NKTR: variants seen among roughly 807,000 people sequenced by gnomAD.
NKTR encodes the protein natural killer cell triggering receptor.
NKTR carries 67 observed loss-of-function variants against 156.3 expected under a neutral mutation model. The ratio of observed to expected loss-of-function variants is 0.43; its 90% CI spans 0.35 to 0.53. The LOEUF is 0.53. Ranked by LOEUF, NKTR falls within the 20% of genes least tolerant of loss-of-function variation. NKTR has a pLI of 0.01. For synonymous variants in NKTR, 640 were observed against 596.6 expected, an observed-to-expected ratio of 1.07 and a Z score of -1.06; for missense variants, 1,604 against 1,730.9, an observed-to-expected ratio of 0.93 and a Z score of 1.30.
intron 2 of NKTR, among the ~76,000 whole-genome samples, chr3:42,607,991 TTTTTTTTTTTTTTTTTTTTTTG>T (rs1706396107): frequency 1.4e-5 from 1 of 71,368 alleles, no homozygotes. Context: ...TTTTTTTTTT[TTTTTTTTTTTTTTTTTTTTTTG>T]AGTTTCCTTC....
At chr3:42,610,025 CAG>C (rs1266253099) in intron 2 of NKTR, among the ~76,000 whole-genome samples, 3 of 151,664 alleles carry the variant, frequency 2.0e-5, no homozygotes, top group African/African-American at 7.3e-5. Flanking sequence ...TTTTTTGAGA[CAG>C]AGTTTCGCTC....
intron 2 of NKTR, among the ~76,000 whole-genome samples, chr3:42,604,941 C>G (rs543600206): frequency 6.6e-6 from 1 of 151,922 alleles, no homozygotes; most frequent in African/African-American, 2.4e-5. Flanking sequence ...CCACCTGCCT[C>G]GGCCTCTCGA....
chr3:42,609,702 C>G (rs1706577063), intron 2 of NKTR, among the ~76,000 whole-genome samples: 1 of 152,160 alleles, frequency 6.6e-6, no homozygotes, highest in Non-Finnish European at 1.5e-5. Context: ...GTATCTCTCC[C>G]TTTATTCATG....
In NKTR at chr3:42,638,125, T is replaced by C; in HGVS notation, c.2421T>C (p.Tyr807=). 1.9e-6 allele frequency: 3 copies of C among 1,613,978 alleles called. 1 individual carries two copies. Among genetic ancestry groups the C allele is most frequent in the African/African-American group, 2.7e-5 (2 of 75,054 alleles). ...KYSESRSSLD[Y]SSDSEQSSVQ... ...GCGAGAGCAGATCATCTTTAGATTA[T>C]TCTTCAGACAGTGAGCAGTCAAGTG... The change falls in exon 13 of 17, where the codon TAT becomes TAC. Residue 807 remains tyrosine, a synonymous_variant. Coordinates refer to ENST00000232978, the MANE Select transcript of NKTR (RefSeq NM_005385.4).
chr3:42,641,157 G>A (rs1709852864), intron 13 of NKTR, among the ~76,000 whole-genome samples: 1 of 152,196 alleles, frequency 6.6e-6, no homozygotes, highest in Non-Finnish European at 1.5e-5. Context: ...TTACCTGCCT[G>A]GGCCTGACAC....
chr3:42,621,890 G>A (rs1306952604), intron 6 of NKTR, among the ~76,000 whole-genome samples: 1 of 151,944 alleles, frequency 6.6e-6, no homozygotes, highest in Non-Finnish European at 1.5e-5. Flanking sequence ...TTCAGTTACT[G>A]TACCCCCTCA....
rs539356557 is a variant in NKTR, at chr3:42,627,462, G to T, written c.375-3084G>T. On this transcript the variant is annotated intron_variant, in intron 6 of 16. Transcript: ENST00000232978. Reference sequence around the variant, plus strand: ...GTACATCTTCTGGTGGGGGAGTGGGGTTATTAGTTTATAGTATGGTTTTAG... The same window carrying T: ...GTACATCTTCTGGTGGGGGAGTGGGTTTATTAGTTTATAGTATGGTTTTAG... 10 of 985,316 alleles carry T rather than the reference G, an allele frequency of 1.0e-5. No individual in the cohort carries two copies. In the South Asian group the frequency reaches 4.2e-4, roughly 42 times the overall value. 61.0% of individuals were successfully genotyped at this position (985,316 alleles called of 1,614,324 possible).
At position 42,647,496 on chromosome 3, in the gene NKTR, C is replaced by T. The variant is rs573073447; in HGVS notation, c.*1521C>T. 4 of 151,946 alleles carry T rather than the reference C, an allele frequency of 2.6e-5. No homozygotes were observed. The highest frequency in any genetic ancestry group is 2.1e-4 in the South Asian group (1 of 4,790). 9.4% of individuals were successfully genotyped at this position (151,946 alleles called of 1,614,324 possible). ...CCCTCAGTTGGAGGGAGCTGACAAC[C>T]CTTGGTGGAGGGAGGGTGCCCTTGA... is the stretch of plus-strand genomic sequence containing the variant. On this transcript the variant is annotated 3_prime_UTR_variant, in exon 17 of 17. Coordinates refer to ENST00000232978, the MANE Select transcript of NKTR (RefSeq NM_005385.4).
intron 5 of NKTR, chr3:42,620,223 A>T (rs1203885460): frequency 7.9e-7 from 1 of 1,271,604 alleles, no homozygotes; most frequent in African/African-American, 1.5e-5. Flanking sequence ...CCAATGGGTT[A>T]TTAATTTCAC....
intron 12 of NKTR, 121 bp downstream of exon 12, chr3:42,635,487 C>T (rs540608588): frequency 2.7e-6 from 2 of 739,674 alleles, no homozygotes; most frequent in South Asian, 4.7e-5. Context: ...CAGACTGTGA[C>T]CAAAGGAAAT....
At chr3:42,610,675 A>G (rs1291454245) in intron 2 of NKTR, among the ~76,000 whole-genome samples, 1 of 151,898 alleles carries the variant, frequency 6.6e-6, no homozygotes, top group Middle Eastern at 3.2e-3. Flanking sequence ...CTAATGTTGA[A>G]TAGTGTCTCT....
rs542899837 is a variant in NKTR at position 42,645,084 on chromosome 3, A to G, written c.4302-804A>G. Among the ~76,000 whole-genome samples, 308 of 152,078 alleles carry G rather than the reference A, an allele frequency of 2.0e-3. 2 individuals carry two copies. Among genetic ancestry groups the G allele is most frequent in the Non-Finnish European group, 3.6e-3 (246 of 67,982 alleles). On this transcript the variant is annotated intron_variant, in intron 16 of 16. Transcript: ENST00000232978. Reference sequence around the variant, plus strand: ...CCCATGACCAGGTCCTCTTGACTCAATATCCCAGTGGTCCTGTTCATGCCC... The same window carrying G: ...CCCATGACCAGGTCCTCTTGACTCAGTATCCCAGTGGTCCTGTTCATGCCC...
At chr3:42,642,284 C>T (rs983022963) in intron 13 of NKTR, among the ~76,000 whole-genome samples, 2 of 151,750 alleles carry the variant, frequency 1.3e-5, no homozygotes, top group Non-Finnish European at 1.5e-5. Flanking sequence ...ATACTTGTGC[C>T]AATCTTTTCT....
chr3:42,613,201 C>CA (rs1707009831), intron 2 of NKTR, among the ~76,000 whole-genome samples: 1 of 152,104 alleles, frequency 6.6e-6, no homozygotes, highest in Non-Finnish European at 1.5e-5. Flanking sequence ...GTAGCAGCTG[C>CA]ATTTCCATGT....
chr3:42,633,289 A>C, intron 9 of NKTR: 1 of 939,650 alleles, frequency 1.1e-6, no homozygotes, highest in Non-Finnish European at 1.3e-6. Context: ...CAATCCTCCC[A>C]CCTAAGACCC....
At chr3:42,629,145 C>G (rs1396842868) in intron 6 of NKTR, 1 of 982,248 alleles carries the variant, frequency 1.0e-6, no homozygotes, top group Non-Finnish European at 1.2e-6. Flanking sequence ...AAGTTACCAT[C>G]CAAGGTGGTT....
chr3:42,606,132 A>C (rs1164149684), intron 2 of NKTR, among the ~76,000 whole-genome samples: 1 of 152,194 alleles, frequency 6.6e-6, no homozygotes, highest in Non-Finnish European at 1.5e-5. Context: ...AGGTTTGGTC[A>C]GTTGTAGGGT....
At chr3:42,635,390 A>G in intron 12 of NKTR, 24 bp downstream of exon 12, 1 of 1,570,508 alleles carries the variant, frequency 6.4e-7, no homozygotes, top group Non-Finnish European at 8.7e-7. Flanking sequence ...GTATAAGCAC[A>G]ATCCTGTGTC....
At chr3:42,610,955 T>A (rs1442038006) in intron 2 of NKTR, 4 of 152,218 alleles carry the variant, frequency 2.6e-5, no homozygotes, top group African/African-American at 4.8e-5. Context: ...TACTATCTTA[T>A]AATTCTTTTT....
Sources: gnomAD v4.1 joint callset for allele counts (sites outside exome capture counted in the v4.1 genomes callset) on GRCh38, gnomAD v4.1.1 for gene constraint, MANE v1.5 for transcripts, NCBI Gene and HGNC (gene_info 2026-07-23, HGNC 2026-07-21) for gene names.